PAFAH1B1: variants seen among roughly 807,000 people sequenced by gnomAD.
PAFAH1B1 encodes the protein platelet-activating factor acetylhydrolase IB subunit beta.
A neutral mutation model predicts 57.5 loss-of-function variants in PAFAH1B1; 2 were observed. The ratio of observed to expected loss-of-function variants is 0.03; its 90% confidence interval spans 0.01 to 0.11. PAFAH1B1 has a LOEUF of 0.11. Ranked by LOEUF, PAFAH1B1 falls within the 10% of genes least tolerant of loss-of-function variation. The pLI, the probability that PAFAH1B1 is intolerant of heterozygous loss-of-function variation, is 1.00. For synonymous variants in PAFAH1B1, 152 were observed against 169.6 expected (o/e 0.90, Z 0.81); for missense variants, 257 against 512.0 (o/e 0.50, Z 4.81).
intron 1 of PAFAH1B1, among the ~76,000 whole-genome samples, chr17:2,614,553 C>T (rs1432779314): frequency 6.6e-6 from 1 of 152,080 alleles, no homozygotes; most frequent in Non-Finnish European, 1.5e-5. Context: ...ATATAATGAA[C>T]AAGGCAACTG....
chr17:2,645,764 C>G (rs952549220), intron 2 of PAFAH1B1, among the ~76,000 whole-genome samples: 2 of 151,620 alleles, frequency 1.3e-5, no homozygotes, highest in African/African-American at 4.8e-5. Context: ...GCCACCACGC[C>G]TGGCCACTTT....
chr17:2,659,163 A>G (rs1031103650), intron 2 of PAFAH1B1, among the ~76,000 whole-genome samples: 36 of 151,710 alleles, frequency 2.4e-4, no homozygotes, highest in Admixed American at 2.6e-4. Flanking sequence ...AGGCAGGAGA[A>G]TCGCTTGAAC....
intron 6 of PAFAH1B1, 133 bp downstream of exon 6, chr17:2,670,464 T>A: frequency 1.1e-6 from 1 of 896,092 alleles, no homozygotes; most frequent in Non-Finnish European, 1.8e-6. Flanking sequence ...GCATACCATG[T>A]AGATAGTCCA....
chr17:2,667,351 T>G (rs974409075), intron 5 of PAFAH1B1, 153 bp downstream of exon 5: 1 of 629,758 alleles, frequency 1.6e-6, no homozygotes, highest in South Asian at 1.7e-5. Context: ...AAAAGCAGAC[T>G]TAATAGGGTG....
intron 1 of PAFAH1B1, among the ~76,000 whole-genome samples, chr17:2,606,806 A>C (rs1434076483): frequency 1.4e-5 from 2 of 143,714 alleles, no homozygotes; most frequent in Admixed American, 1.4e-4. Context: ...TATTTGCCTC[A>C]GAGCTTTTTT....
At chr17:2,641,804 C>G (rs1209697104) in intron 2 of PAFAH1B1, 2 of 152,138 alleles carry the variant, frequency 1.3e-5, no homozygotes, top group Non-Finnish European at 2.9e-5. Context: ...TTTCTGGGCC[C>G]TTTAAGTAGA....
intron 1 of PAFAH1B1, among the ~76,000 whole-genome samples, chr17:2,629,570 A>C (rs761286032): frequency 2.0e-5 from 3 of 152,100 alleles, no homozygotes; most frequent in Admixed American, 6.6e-5. Flanking sequence ...TTATTGGATG[A>C]GATGTTCTGT....
chr17:2,676,062 TTG>T (rs1161998773), intron 8 of PAFAH1B1, among the ~76,000 whole-genome samples: 1 of 152,180 alleles, frequency 6.6e-6, no homozygotes, highest in Non-Finnish European at 1.5e-5. Context: ...TGTGAAAGAC[TTG>T]TGTATTTCAA....
chr17:2,651,805 T>C (rs2068853890), intron 2 of PAFAH1B1, among the ~76,000 whole-genome samples: 1 of 152,150 alleles, frequency 6.6e-6, no homozygotes, highest in Non-Finnish European at 1.5e-5. Context: ...ATCTCACATT[T>C]ATGTGGTGTA....
At chr17:2,681,413 A>G in intron 10 of PAFAH1B1, 1 of 250,366 alleles carries the variant, frequency 4.0e-6, no homozygotes, top group Non-Finnish European at 7.8e-6. Flanking sequence ...AACTACTGGC[A>G]TTTGGACTTT....
intron 2 of PAFAH1B1, among the ~76,000 whole-genome samples, chr17:2,664,694 T>TCTCTCTCTCTCTCTCTCTCTCTCTCTGTC (rs1567554200): frequency 8.7e-6 from 1 of 114,462 alleles, no homozygotes; most frequent in South Asian, 2.8e-4. Flanking sequence ...CTCTCTCTCT[T>TCTCTCTCTCTCTCTCTCTCTCTCTCTGTC]TCTCTCTCCA....
intron 1 of PAFAH1B1, chr17:2,613,652 C>T (rs553417024): frequency 6.7e-6 from 2 of 297,518 alleles, no homozygotes; most frequent in Admixed American, 4.4e-5. Flanking sequence ...AGTATACTCT[C>T]CACAGCCAGA....
chr17:2,657,474 C>T (rs764908025), intron 2 of PAFAH1B1, among the ~76,000 whole-genome samples: 2 of 152,198 alleles, frequency 1.3e-5, no homozygotes, highest in Non-Finnish European at 2.9e-5. Flanking sequence ...AAACTCCTGA[C>T]CTCAAGTGAT....
At chr17:2,643,171 C>T (rs193054778) in intron 2 of PAFAH1B1, among the ~76,000 whole-genome samples, 329 of 152,276 alleles carry the variant, frequency 2.2e-3, no homozygotes, top group African/African-American at 7.7e-3. Context: ...TGGCTCACTG[C>T]AGCCTTGACC....
rs1459757293 is a variant in PAFAH1B1 at position 2,623,121 on chromosome 17, G to A, written c.-190-14978G>A. On this transcript the variant is annotated intron_variant, in intron 1 of 10. Coordinates refer to ENST00000397195, the MANE Select transcript of PAFAH1B1 (RefSeq NM_000430.4). ...TGGGCCTCCAGGCCTGTGATGGGAG[G>A]GGCTGCTGCCAGGAAGTTCTCTGAC... 3.3e-5 allele frequency among the ~76,000 whole-genome samples: 5 copies of A among 152,170 alleles called. No individual in the cohort carries two copies. In the East Asian group the frequency reaches 9.6e-4, roughly 29 times the overall value.
At chr17:2,608,635 C>T (rs1338344144) in intron 1 of PAFAH1B1, among the ~76,000 whole-genome samples, 1 of 152,136 alleles carries the variant, frequency 6.6e-6, no homozygotes, top group Non-Finnish European at 1.5e-5. Flanking sequence ...GACCCTGTCT[C>T]TACAAAAAAC....
intron 1 of PAFAH1B1, among the ~76,000 whole-genome samples, chr17:2,599,086 C>T (rs147450733): frequency 6.6e-6 from 1 of 152,192 alleles, no homozygotes; most frequent in East Asian, 1.9e-4. Context: ...AAGGATACTT[C>T]TGGAATGGTA....
rs138515134 is a variant in PAFAH1B1, at chr17:2,676,296, T to G, written c.901-209T>G. 11,156 of 496,470 alleles carry G rather than the reference T, an allele frequency of 0.022. 302 individuals carry two copies. The highest frequency in any genetic ancestry group is 0.087 in the African/African-American group (4,491 of 51,462). The allele number at this position is 496,470 out of a possible 1,614,324, so 30.8% of individuals were successfully genotyped here. A position where few individuals can be genotyped will look rare whatever the true frequency, so the allele number is the denominator to read the frequency against. ...GGGAGGCTGAGGCAGGAGATTCGCT[T>G]GAACCCGGGAGGCGGAGGTTGCAGT... On this transcript the variant is annotated intron_variant, in intron 8 of 10. Transcript: ENST00000397195.
chr17:2,629,511 G>A (rs1420623558), intron 1 of PAFAH1B1, among the ~76,000 whole-genome samples: 1 of 151,728 alleles, frequency 6.6e-6, no homozygotes, highest in Non-Finnish European at 1.5e-5. Flanking sequence ...TTTGTGGTCT[G>A]CTTTGGAGAA....
Sources: allele counts gnomAD v4.1 joint callset (sites outside exome capture counted in the v4.1 genomes callset), GRCh38; gene constraint gnomAD v4.1.1; transcripts MANE v1.5; gene names NCBI Gene and HGNC (gene_info 2026-07-23, HGNC 2026-07-21).